Variants in MYLK2 observed in about 807,000 individuals in gnomAD.
MYLK2 encodes the protein myosin light chain kinase 2, skeletal/cardiac muscle.
MYLK2 carries 27 observed loss-of-function variants against 58.2 expected under a neutral mutation model. The ratio of observed to expected loss-of-function variants is 0.46; its 90% CI spans 0.34 to 0.64. MYLK2 has a LOEUF of 0.64. Among genes scored for constraint, MYLK2 ranks in the 30% least tolerant of loss-of-function variants. The pLI, the probability that MYLK2 is intolerant of heterozygous loss-of-function variation, is 0.01. For synonymous variants in MYLK2, 310 were observed against 296.7 expected, an observed-to-expected ratio of 1.04 and a Z score of -0.46; for missense variants, 676 against 764.3, an observed-to-expected ratio of 0.88 and a Z score of 1.36.
intron 3 of MYLK2, 91 bp from the exon 4 acceptor site, chr20:31,821,348 G>A: frequency 6.6e-7 from 1 of 1,513,608 alleles, no homozygotes; most frequent in Non-Finnish European, 9.1e-7. Flanking sequence ...TTGGGGTGGG[G>A]TTGGATTAGC....
At chr20:31,832,221 C>T (rs1018433875) in intron 12 of MYLK2, 85 bp downstream of exon 12, 5 of 1,542,434 alleles carry the variant, frequency 3.2e-6, no homozygotes, top group Non-Finnish European at 3.5e-6. Context: ...CCGTCCCTGC[C>T]TTGGCAGGTT....
At chr20:31,829,483 AG>A (rs1479988188) in intron 8 of MYLK2, among the ~76,000 whole-genome samples, 1 of 152,246 alleles carries the variant, frequency 6.6e-6, no homozygotes, top group Admixed American at 6.5e-5. Context: ...TAAAATCATT[AG>A]TATCTGCTCT....
At position 31,830,807 on chromosome 20, in the gene MYLK2, C is replaced by G; in HGVS notation, c.1225-12C>G. On this transcript the variant is annotated splice_polypyrimidine_tract_variant and intron_variant, in intron 8 of 12. Coordinates refer to ENST00000375985, the MANE Select transcript of MYLK2 (RefSeq NM_033118.4). The stretch of plus-strand genomic sequence containing the variant: ...GTCAGAGGCCCACCCAGGCCACCCC[C>G]TTTCTCCTCAGCCAGAGAACATCCT... 6.2e-7 allele frequency: 1 copy of G among 1,613,682 alleles called. No homozygotes were observed.
chr20:31,832,285 G>A (rs2062311136), intron 12 of MYLK2, 149 bp downstream of exon 12: 1 of 1,190,092 alleles, frequency 8.4e-7, no homozygotes, highest in African/African-American at 1.5e-5. Flanking sequence ...TTCTGTTTTT[G>A]CCCTGGGCTG....
chr20:31,821,403 C>T (rs755840319), intron 3 of MYLK2, 36 bp from the exon 4 acceptor site: 41 of 1,611,286 alleles, frequency 2.5e-5, no homozygotes, highest in Non-Finnish European at 3.1e-5. Context: ...AGGCTGTGGC[C>T]GCTGAGGGCT....
In MYLK2 at chr20:31,820,069, G is replaced by A. The variant is rs2062243568; in HGVS notation, c.53-57G>A. On this transcript the variant is annotated intron_variant, in intron 2 of 12. Transcript: ENST00000375985. ...CCCAGAGCTGGTCTCTGCCCAGCCTGGGTGAGAGGGAAGGAAAGGAGGGTG... is the reference window on the plus strand; with the variant it reads ...CCCAGAGCTGGTCTCTGCCCAGCCTAGGTGAGAGGGAAGGAAAGGAGGGTG... 8 of 1,607,576 alleles carry A rather than the reference G, an allele frequency of 5.0e-6. No homozygotes were observed. The East Asian group carries it at 1.6e-4, about 31-fold the overall frequency.
Position 31,819,401 on chromosome 20 carries a change from G to A in MYLK2, c.-76G>A. 2.5e-6 allele frequency: 2 copies of A among 787,086 alleles called. No individual in the cohort carries two copies. The highest frequency in any genetic ancestry group is 1.5e-5 in the South Asian group (1 of 66,470). 48.8% of individuals were successfully genotyped at this position (787,086 alleles called of 1,614,324 possible). A position where few individuals can be genotyped will look rare whatever the true frequency, so the allele number is the denominator to read the frequency against. ...CTGAGCAGCCGCTGGGAGACAGACG[G>A]CAACCAGGTTGCCCCTCTTTGCTCC... On this transcript the variant is annotated 5_prime_UTR_variant, in exon 1 of 13. Coordinates refer to ENST00000375985, the MANE Select transcript of MYLK2 (RefSeq NM_033118.4).
chr20:31,827,143 A>G, intron 8 of MYLK2: 1 of 984,672 alleles, frequency 1.0e-6, no homozygotes, highest in Non-Finnish European at 1.2e-6. Context: ...GGGGGGGAAA[A>G]AAAAAAGACG....
chr20:31,821,757 G>C lies in MYLK2; in HGVS notation c.772+20G>C. On this transcript the variant is annotated intron_variant, in intron 4 of 12. Transcript: ENST00000375985. ...TTTTGGGTAGGCCAGGGGCAGGTGG[G>C]GGCTGGGGCTGCCCTGGGGCCAGGG... 6.4e-7 allele frequency: 1 copy of C among 1,571,742 alleles called. No individual in the cohort carries two copies. Among genetic ancestry groups the C allele is most frequent in the Non-Finnish European group, 8.6e-7 (1 of 1,157,228 alleles).
chr20:31,821,480 C>T lies in MYLK2; in HGVS notation c.515C>T (p.Ser172Leu), dbSNP rs984329796. The stretch of plus-strand genomic sequence containing the variant: ...GCCAAGAAGCCCCCAAGCGAGGCAT[C>T]AGAGCTCACCTTTGAAGGGGTGCCC... ...LLAKKPPSEASELTFEGVPMT... is the reference protein window; with the variant it reads ...LLAKKPPSEALELTFEGVPMT... Residue 172 changes from serine to leucine, a missense_variant, in exon 4 of 13, where the codon TCA (serine) becomes TTA (leucine). Around this residue, in one of 2 missense-constraint regions of MYLK2, gnomAD observed 306 missense variants for 296.5 expected, o/e 1.03. Transcript: ENST00000375985. 6.2e-7 allele frequency: 1 copy of T among 1,613,830 alleles called. No homozygotes were observed. Among genetic ancestry groups the T allele is most frequent in the African/African-American group, 1.3e-5 (1 of 74,938 alleles).
At chr20:31,820,756 G>T (rs1449543935) in intron 3 of MYLK2, among the ~76,000 whole-genome samples, 1 of 152,194 alleles carries the variant, frequency 6.6e-6, no homozygotes, top group Non-Finnish European at 1.5e-5. Context: ...CAAGACTGGA[G>T]TAAGAGAGAC....
rs149217305 is a variant in MYLK2, at chr20:31,826,012, G to C, written c.973-593G>C. On this transcript the variant is annotated intron_variant, in intron 6 of 12. Transcript: ENST00000375985. ...GCTGAAGAGTTGGGTCGGAGGTGGG[G>C]TGTGAGGGCGCGAGAGTAAGGGAAG... Among the ~76,000 whole-genome samples, 66 of 152,304 alleles carry C rather than the reference G, an allele frequency of 4.3e-4. No homozygotes were observed. In the East Asian group the frequency reaches 0.013, roughly 29 times the overall value.
chr20:31,827,250 G>A (rs915007239), intron 8 of MYLK2: 7 of 985,320 alleles, frequency 7.1e-6, no homozygotes, highest in Admixed American at 1.2e-4. Context: ...GTGTCACACA[G>A]ACAAGTGGCT....
chr20:31,831,581 G>C, intron 10 of MYLK2, 122 bp from the exon 11 acceptor site: 1 of 1,155,440 alleles, frequency 8.7e-7, no homozygotes, highest in Non-Finnish European at 1.3e-6. Context: ...CCCACGAGAG[G>C]CTGGGGGTCT....
At chr20:31,823,864 C>A in intron 5 of MYLK2, 2 of 820,984 alleles carry the variant, frequency 2.4e-6, no homozygotes, top group Non-Finnish European at 2.9e-6. Context: ...ACCACACTGA[C>A]CCCCTCATGG....
In MYLK2 at chr20:31,824,380, C is replaced by T. The variant is rs760295790; in HGVS notation, c.972+28C>T. ...AGTGAGGTTGCGGGGGTGGTGGCTG[C>T]CCAGGATGGGGAGGGGATCCTTGGA... On this transcript the variant is annotated intron_variant, in intron 6 of 12. Coordinates refer to ENST00000375985, the MANE Select transcript of MYLK2 (RefSeq NM_033118.4). The T allele has an allele frequency of 1.9e-5, 30 of 1,594,186 alleles. 1 individual carries two copies. Among genetic ancestry groups the T allele is most frequent in the Admixed American group, 1.7e-4 (10 of 58,226 alleles).
intron 4 of MYLK2, among the ~76,000 whole-genome samples, chr20:31,822,483 G>C (rs548755364): frequency 2.0e-5 from 3 of 152,190 alleles, no homozygotes; most frequent in African/African-American, 7.2e-5. Flanking sequence ...CTGTGGAGTG[G>C]CCTTCATTGA....
rs897029242 is a variant in MYLK2, at chr20:31,828,086, C to G, written c.1224+1148C>G. ...TATTTTTAGTGGAGACGGGGTTTCG[C>G]CATGCTGGTCAGGCTGGTCTTGAAC... On this transcript the variant is annotated intron_variant, in intron 8 of 12. Coordinates refer to ENST00000375985, the MANE Select transcript of MYLK2 (RefSeq NM_033118.4). 13 of 645,506 alleles carry G rather than the reference C, an allele frequency of 2.0e-5. No homozygotes were observed. The African/African-American group carries it at 2.4e-4, about 12-fold the overall frequency. The allele number at this position is 645,506 out of a possible 1,614,324, so 40.0% of individuals were successfully genotyped here. A position where few individuals can be genotyped will look rare whatever the true frequency, so the allele number is the denominator to read the frequency against.
chr20:31,826,953 C>T lies in MYLK2; in HGVS notation c.1224+15C>T. On this transcript the variant is annotated intron_variant, in intron 8 of 12. Coordinates refer to ENST00000375985, the MANE Select transcript of MYLK2 (RefSeq NM_033118.4). ...TGGACCTCAAGGTACCAGACTGGGGCCTCCTGGGAAGGGTCAGGGGCAGCC... is the reference window on the plus strand; with the variant it reads ...TGGACCTCAAGGTACCAGACTGGGGTCTCCTGGGAAGGGTCAGGGGCAGCC... 1.2e-5 allele frequency: 19 copies of T among 1,613,968 alleles called. No individual in the cohort carries two copies. The highest frequency in any genetic ancestry group is 1.6e-5 in the Non-Finnish European group (19 of 1,179,974).
Sources: gnomAD v4.1 joint callset for allele counts (sites outside exome capture counted in the v4.1 genomes callset) on GRCh38, gnomAD v4.1.1 for gene constraint, gnomAD v4.1.1 regional missense constraint, MANE v1.5 for transcripts, NCBI Gene and HGNC (gene_info 2026-07-23, HGNC 2026-07-21) for gene names.